The following CREBRF variants were observed in gnomAD, a reference collection of about 807,000 sequenced individuals.
CREBRF encodes the protein UPF0474 protein C5orf41.
CREBRF carries 5 observed loss-of-function variants against 66.1 expected under a neutral mutation model. That is an observed-to-expected ratio of 0.08 (90% CI 0.04 to 0.16). CREBRF has a LOEUF of 0.16. Among genes scored for constraint, CREBRF ranks in the 10% least tolerant of loss-of-function variants. CREBRF has a pLI of 1.00. For synonymous variants in CREBRF, 229 were observed against 264.4 expected (o/e 0.87, Z 1.30); for missense variants, 531 against 744.9 (o/e 0.71, Z 3.34).
At chr5:173,081,313 C>T (rs1322846115) in intron 2 of CREBRF, among the ~76,000 whole-genome samples, 1 of 152,146 alleles carries the variant, frequency 6.6e-6, no homozygotes, top group Non-Finnish European at 1.5e-5. Context: ...TATATTATGG[C>T]AGCTACTCTG....
chr5:173,108,869 C>A (rs530913131), intron 5 of CREBRF, 51 bp downstream of exon 5: 4 of 1,528,328 alleles, frequency 2.6e-6, no homozygotes, highest in Non-Finnish European at 3.6e-6. Context: ...TCAAGTTGAG[C>A]TACTAATCCA....
At chr5:173,108,918 T>A in intron 5 of CREBRF, 100 bp downstream of exon 5, 1 of 1,055,460 alleles carries the variant, frequency 9.5e-7, no homozygotes, top group Non-Finnish European at 1.4e-6. Context: ...CAGCCCTTCC[T>A]AGCAAACTGG....
chr5:173,066,833 T>G (rs958866564), intron 1 of CREBRF, among the ~76,000 whole-genome samples: 1 of 108,494 alleles, frequency 9.2e-6, no homozygotes, highest in Admixed American at 9.5e-5. Flanking sequence ...TTTTTTTTTT[T>G]GAGACAGGGT....
At chr5:173,101,450 G>A (rs1391177107) in intron 4 of CREBRF, among the ~76,000 whole-genome samples, 2 of 152,032 alleles carry the variant, frequency 1.3e-5, no homozygotes, top group East Asian at 3.9e-4. Context: ...ACAGTCTTAT[G>A]AGAGTTTCAT....
intron 2 of CREBRF, chr5:173,085,447 G>A (rs1459977452): frequency 9.9e-6 from 7 of 703,568 alleles, no homozygotes; most frequent in Admixed American, 2.6e-5. Flanking sequence ...ACGGAGTTTC[G>A]CTCTTGTTGC....
At chr5:173,131,658 C>A (rs996066441) in intron 8 of CREBRF, among the ~76,000 whole-genome samples, 5 of 151,782 alleles carry the variant, frequency 3.3e-5, no homozygotes, top group African/African-American at 1.2e-4. Context: ...ATTTGTCATG[C>A]TAAGTTTGAT....
intron 4 of CREBRF, among the ~76,000 whole-genome samples, chr5:173,095,183 C>CTTTTTTTTTT (rs34893180): frequency 1.1e-5 from 1 of 89,594 alleles, no homozygotes; most frequent in Non-Finnish European, 2.1e-5. Flanking sequence ...ATTACTATAG[C>CTTTTTTTTTT]TTTTTTTTTT....
At chr5:173,062,727 G>C (rs1451942371) in intron 1 of CREBRF, among the ~76,000 whole-genome samples, 1 of 150,996 alleles carries the variant, frequency 6.6e-6, no homozygotes, top group East Asian at 1.9e-4. Context: ...TTTTTTTAAG[G>C]AGGGCACTGT....
chr5:173,070,993 A>G (rs1202009624), intron 1 of CREBRF, among the ~76,000 whole-genome samples: 1 of 152,090 alleles, frequency 6.6e-6, no homozygotes, highest in Non-Finnish European at 1.5e-5. Context: ...GTCATTCTCA[A>G]AGATGTCACA....
intron 3 of CREBRF, 36 bp downstream of exon 3, chr5:173,086,662 T>A: frequency 6.4e-7 from 1 of 1,571,260 alleles, no homozygotes; most frequent in Non-Finnish European, 8.6e-7. Context: ...TCTTGATTGA[T>A]TTGGGGTAAA....
chr5:173,057,774 C>G (rs1320584197), intron 1 of CREBRF: 1 of 150,982 alleles, frequency 6.6e-6, no homozygotes, highest in Non-Finnish European at 1.5e-5. Context: ...GAAAACGGGA[C>G]TAGAAAAGCC....
chr5:173,080,333 GTT>G (rs538252704), intron 1 of CREBRF, among the ~76,000 whole-genome samples: 5 of 140,220 alleles, frequency 3.6e-5, no homozygotes, highest in South Asian at 2.2e-4. Flanking sequence ...TTAATTTTGT[GTT>G]TTTTTTTTTT....
Position 173,090,861 on chromosome 5 carries a change from C to A in CREBRF, c.682C>A (p.His228Asn). 1 of 1,614,096 alleles carries A rather than the reference C, an allele frequency of 6.2e-7. No homozygotes were observed. The highest frequency in any genetic ancestry group is 8.5e-7 in the Non-Finnish European group (1 of 1,180,028). ...GTATCATAATGAAAAGGTGAACTTTCATGTTGAATGTAAAGACTATGTAAA... is the reference window on the plus strand; with the variant it reads ...GTATCATAATGAAAAGGTGAACTTTAATGTTGAATGTAAAGACTATGTAAA... ...NMYHNEKVNF[H>N]VECKDYVKKA... The change falls in exon 4 of 9, where the codon CAT (histidine) becomes AAT (asparagine). Residue 228 changes from histidine to asparagine, a missense_variant. This residue lies in a region of CREBRF where 309 missense variants were observed against 341.4 expected (regional missense o/e 0.90). Coordinates refer to ENST00000296953, the MANE Select transcript of CREBRF (RefSeq NM_153607.3). This position sits in a 1 kb window ranked among gnomAD's most constrained non-coding sequence, Gnocchi z 4.5.
intron 7 of CREBRF, among the ~76,000 whole-genome samples, chr5:173,122,274 G>C (rs940147013): frequency 3.3e-5 from 5 of 152,080 alleles, no homozygotes; most frequent in Non-Finnish European, 5.9e-5. Context: ...GCTAATTTTC[G>C]TGGTTTTATT....
In CREBRF at chr5:173,091,408, T is replaced by C. The variant is rs768300159; in HGVS notation, c.1222+7T>C. ...GATACTTTCTCTGAACCAGGTATTA[T>C]AATGCTTGCAAGCTTACCAGACTGA... On this transcript the variant is annotated splice_region_variant and intron_variant, in intron 4 of 8. Coordinates refer to ENST00000296953, the MANE Select transcript of CREBRF (RefSeq NM_153607.3). 2.4e-5 allele frequency: 38 copies of C among 1,612,210 alleles called. No homozygotes were observed. The highest frequency in any genetic ancestry group is 3.1e-5 in the Non-Finnish European group (36 of 1,178,716).
At chr5:173,072,298 C>T (rs916492202) in intron 1 of CREBRF, among the ~76,000 whole-genome samples, 3 of 151,302 alleles carry the variant, frequency 2.0e-5, no homozygotes, top group African/African-American at 7.3e-5. Flanking sequence ...TTTTTTAAGA[C>T]AGTGTCTTGC....
intron 1 of CREBRF, among the ~76,000 whole-genome samples, chr5:173,063,746 C>T (rs768398255): frequency 4.7e-5 from 7 of 148,724 alleles, no homozygotes; most frequent in African/African-American, 7.4e-5. Flanking sequence ...TTTTTTGAGG[C>T]GAGTCTTGCT....
intron 8 of CREBRF, among the ~76,000 whole-genome samples, chr5:173,127,177 T>C (rs1213663480): frequency 6.7e-6 from 1 of 150,096 alleles, no homozygotes; most frequent in Non-Finnish European, 1.5e-5. Context: ...TTTTTTTTTT[T>C]TTTTTGAGAC....
intron 4 of CREBRF, among the ~76,000 whole-genome samples, chr5:173,095,980 C>T (rs13183715): frequency 0.49 from 73,247 of 150,850 alleles, 18,711 homozygotes; most frequent in Non-Finnish European, 0.58. Context: ...GAAGTCTTTT[C>T]TTTTTTTGAG....
Sources: allele counts gnomAD v4.1 joint callset (sites outside exome capture counted in the v4.1 genomes callset), GRCh38; gene constraint gnomAD v4.1.1; regional missense constraint gnomAD v4.1.1; non-coding constraint Gnocchi (gnomAD v3.1); transcripts MANE v1.5; gene names NCBI Gene and HGNC (gene_info 2026-07-23, HGNC 2026-07-21).